Variants in KLHL14 observed in about 807,000 individuals in gnomAD.
KLHL14 encodes the protein kelch-like protein 14.
A neutral mutation model predicts 64.3 loss-of-function variants in KLHL14; 22 were observed. That is an observed-to-expected ratio of 0.34 (90% confidence interval 0.24 to 0.49). The LOEUF (loss-of-function observed/expected upper bound fraction) is 0.49, where lower values mean the gene tolerates loss of function less well. Ranked by LOEUF, KLHL14 falls within the 20% of genes least tolerant of loss-of-function variation. The pLI, the probability that KLHL14 is intolerant of heterozygous loss-of-function variation, is 0.99. For synonymous variants in KLHL14, 322 were observed against 333.4 expected (o/e 0.97, Z 0.37); for missense variants, 661 against 789.0 (o/e 0.84, Z 1.94).
chr18:32,683,861 T>C lies in KLHL14; in HGVS notation c.1239-3262A>G, dbSNP rs1400174716. ...ACTTTTGTCGTTGGATTAAAAACAA[T>C]GGATATGTTAGAAAGAATATTGTCT... is the stretch of plus-strand genomic sequence containing the variant. On this transcript the variant is annotated intron_variant, in intron 5 of 8. Coordinates refer to ENST00000359358, the MANE Select transcript of KLHL14 (RefSeq NM_020805.3). The surrounding 1 kb of genome is among the most constrained non-coding windows in gnomAD (Gnocchi z 4.2). 6.6e-6 allele frequency among the ~76,000 whole-genome samples: 1 copy of C among 152,162 alleles called. No homozygotes were observed. The highest frequency in any genetic ancestry group is 1.5e-5 in the Non-Finnish European group (1 of 68,018).
rs770047201 is a variant in KLHL14 at position 32,770,071 on chromosome 18, A to G, written c.521T>C (p.Val174Ala). 6.2e-7 allele frequency: 1 copy of G among 1,614,136 alleles called. No homozygotes were observed. The change falls in exon 2 of 9, where the codon GTG (valine) becomes GCG (alanine). Residue 174 changes from valine to alanine, a missense_variant. Val to Ala is a moderately conservative substitution (Grantham distance 64, BLOSUM62 0). This residue lies in a region of KLHL14 where 331 missense variants were observed against 339.0 expected (regional missense o/e 0.98). Coordinates refer to ENST00000359358, the MANE Select transcript of KLHL14 (RefSeq NM_020805.3). The surrounding 1 kb of genome is among the most constrained non-coding windows in gnomAD (Gnocchi z 6.7). The part of the protein sequence containing the change: ...LHIPQVTKLC[V>A]QFLNDQISVQ... ...CGAGATCTGGTCGTTGAGGAACTGCACGCAGAGCTTGGTGACCTGGGGGAT... is the reference window on the plus strand; with the variant it reads ...CGAGATCTGGTCGTTGAGGAACTGCGCGCAGAGCTTGGTGACCTGGGGGAT...
At chr18:32,762,208 A>G (rs942458068) in intron 2 of KLHL14, among the ~76,000 whole-genome samples, 4 of 151,912 alleles carry the variant, frequency 2.6e-5, no homozygotes, top group Admixed American at 2.6e-4. Context: ...TCTTGTGAAA[A>G]TATTTTCTTT....
chr18:32,722,233 G>T (rs1033012481), intron 3 of KLHL14, among the ~76,000 whole-genome samples: 25 of 152,136 alleles, frequency 1.6e-4, no homozygotes, highest in African/African-American at 6.0e-4. Flanking sequence ...TATTAGCAGG[G>T]TGAGAACAGA....
intron 2 of KLHL14, among the ~76,000 whole-genome samples, chr18:32,751,853 G>A (rs952668490): frequency 7.2e-5 from 11 of 152,324 alleles, no homozygotes; most frequent in South Asian, 2.1e-4. Flanking sequence ...AGAGTCCAAC[G>A]TAGTGTCTCA....
At chr18:32,718,469 G>C (rs1404272887) in intron 3 of KLHL14, among the ~76,000 whole-genome samples, 1 of 152,174 alleles carries the variant, frequency 6.6e-6, no homozygotes, top group Non-Finnish European at 1.5e-5. Context: ...CCCAGACTTA[G>C]AGCTGGAAGA....
intron 3 of KLHL14, among the ~76,000 whole-genome samples, chr18:32,739,199 A>C (rs1028046713): frequency 6.6e-6 from 1 of 152,102 alleles, no homozygotes; most frequent in East Asian, 1.9e-4. Context: ...CACCTCCATG[A>C]CAAACTAGTT....
At chr18:32,767,488 G>A (rs1043684274) in intron 2 of KLHL14, among the ~76,000 whole-genome samples, 2 of 152,156 alleles carry the variant, frequency 1.3e-5, no homozygotes, top group Non-Finnish European at 2.9e-5. Flanking sequence ...TCCTACTGCA[G>A]AAGTATCAGA....
intron 3 of KLHL14, among the ~76,000 whole-genome samples, chr18:32,719,109 T>G (rs1388259589): frequency 6.6e-6 from 1 of 152,132 alleles, no homozygotes; most frequent in Admixed American, 6.5e-5. Context: ...CCACCACACC[T>G]GGGTAATTTT....
chr18:32,687,267 G>C (rs764192226), intron 4 of KLHL14, 34 bp from the exon 5 acceptor site: 11 of 1,541,608 alleles, frequency 7.1e-6, no homozygotes, highest in Non-Finnish European at 9.9e-6. Flanking sequence ...TTAAAACTTA[G>C]ATTCTTTTGT....
intron 3 of KLHL14, chr18:32,738,710 C>T (rs1444039818): frequency 1.3e-5 from 2 of 152,008 alleles, no homozygotes; most frequent in East Asian, 3.9e-4. Context: ...ATAATTGTTT[C>T]CTTTACTGTT....
At chr18:32,756,985 A>G (rs141553041) in intron 2 of KLHL14, among the ~76,000 whole-genome samples, 7 of 152,366 alleles carry the variant, frequency 4.6e-5, no homozygotes, top group Admixed American at 3.3e-4. Flanking sequence ...TCCCTGAAAT[A>G]TAAAGAAACC....
At chr18:32,735,619 CT>C (rs1334796481) in intron 3 of KLHL14, among the ~76,000 whole-genome samples, 1 of 152,124 alleles carries the variant, frequency 6.6e-6, no homozygotes, top group African/African-American at 2.4e-5. Flanking sequence ...AATGCCATTT[CT>C]TTAGTAATAT....
At chr18:32,691,372 G>T (rs557518035) in intron 4 of KLHL14, among the ~76,000 whole-genome samples, 28 of 152,092 alleles carry the variant, frequency 1.8e-4, no homozygotes, top group Admixed American at 1.6e-3. Context: ...ATGGTTTCCA[G>T]AGGCAGGGTC....
At position 32,747,832 on chromosome 18, in the gene KLHL14, C is replaced by G. The variant is rs2050231334; in HGVS notation, c.948-5783G>C. 2.0e-5 allele frequency among the ~76,000 whole-genome samples: 3 copies of G among 152,100 alleles called. No homozygotes were observed. The South Asian group carries it at 6.2e-4, about 31-fold the overall frequency. Reference sequence around the variant, plus strand: ...TTTTAAAAAAACAAGTGTTTTCAAGCCAAGTTTTTCCTATCCTATATTTCT... The same window carrying G: ...TTTTAAAAAAACAAGTGTTTTCAAGGCAAGTTTTTCCTATCCTATATTTCT... On this transcript the variant is annotated intron_variant, in intron 2 of 8. Coordinates refer to ENST00000359358, the MANE Select transcript of KLHL14 (RefSeq NM_020805.3).
At chr18:32,716,561 C>T (rs1160825545) in intron 3 of KLHL14, among the ~76,000 whole-genome samples, 3 of 152,094 alleles carry the variant, frequency 2.0e-5, no homozygotes, top group Non-Finnish European at 4.4e-5. Flanking sequence ...ATTGTAGGCA[C>T]ACGCCACCAC....
chr18:32,698,665 A>C (rs2049948039), intron 3 of KLHL14, among the ~76,000 whole-genome samples: 1 of 152,154 alleles, frequency 6.6e-6, no homozygotes, highest in African/African-American at 2.4e-5. Context: ...AAAATATAAT[A>C]ACAGGTGTTC....
intron 2 of KLHL14, among the ~76,000 whole-genome samples, chr18:32,754,037 T>C (rs1394815437): frequency 6.6e-6 from 1 of 152,222 alleles, no homozygotes; most frequent in African/African-American, 2.4e-5. Flanking sequence ...CTAGCACAGA[T>C]GCTTGCTACT....
In KLHL14 at chr18:32,770,602, C is replaced by G; in HGVS notation, c.-11G>C. ...CCCGGATCTGGACATGGCGAGCTGA[C>G]TCGGTGCACCTGGCTTTAAACCCTC... On this transcript the variant is annotated 5_prime_UTR_variant, in exon 2 of 9. Transcript: ENST00000359358. The surrounding 1 kb of genome is among the most constrained non-coding windows in gnomAD (Gnocchi z 6.7). 1 of 1,495,234 alleles carries G rather than the reference C, an allele frequency of 6.7e-7. No homozygotes were observed. The highest frequency in any genetic ancestry group is 9.0e-7 in the Non-Finnish European group (1 of 1,116,774). The allele number at this position is 1,495,234 out of a possible 1,614,324, so 92.6% of individuals were successfully genotyped here.
chr18:32,757,000 C>G (rs538085701), intron 2 of KLHL14, among the ~76,000 whole-genome samples: 1 of 152,330 alleles, frequency 6.6e-6, no homozygotes, highest in South Asian at 2.1e-4. Flanking sequence ...GAAACCCACA[C>G]TATGATCCCT....
Sources: allele counts gnomAD v4.1 joint callset (sites outside exome capture counted in the v4.1 genomes callset), GRCh38; gene constraint gnomAD v4.1.1; regional missense constraint gnomAD v4.1.1; non-coding constraint Gnocchi (gnomAD v3.1); transcripts MANE v1.5; gene names NCBI Gene and HGNC (gene_info 2026-07-23, HGNC 2026-07-21).